The following DYM variants were observed in gnomAD, a reference collection of about 807,000 sequenced individuals.
The protein encoded by DYM is dymeclin, also known as dyggve-Melchior-Clausen syndrome protein.
Under a neutral mutation model 93.1 loss-of-function variants are expected in DYM, and 78 were observed. That is an observed-to-expected ratio of 0.84 (90% CI 0.70 to 1.01). DYM has a LOEUF of 1.01. Ranked by LOEUF, DYM falls within the 50% of genes least tolerant of loss-of-function variation. The pLI is 0.00. For synonymous variants in DYM, 321 were observed against 319.7 expected, an observed-to-expected ratio of 1.00 and a Z score of -0.04; for missense variants, 789 against 845.0, an observed-to-expected ratio of 0.93 and a Z score of 0.82.
chr18:49,382,191 G>T (rs1011583695), intron 3 of DYM, among the ~76,000 whole-genome samples: 1 of 152,098 alleles, frequency 6.6e-6, no homozygotes, highest in African/African-American at 2.4e-5. Flanking sequence ...CCGACTACTT[G>T]ATTGATGTAA....
chr18:49,442,249 T>C (rs972441657), intron 1 of DYM, among the ~76,000 whole-genome samples: 1 of 152,034 alleles, frequency 6.6e-6, no homozygotes, highest in African/African-American at 2.4e-5. Context: ...GCATGAAATA[T>C]AGAAACCAAA....
At chr18:49,113,067 T>C (rs1057165174) in intron 16 of DYM, among the ~76,000 whole-genome samples, 1 of 151,924 alleles carries the variant, frequency 6.6e-6, no homozygotes. Context: ...TAGAAGAAAA[T>C]ATTTTATATT....
chr18:49,184,744 A>ATTG (rs2090278679), intron 14 of DYM, among the ~76,000 whole-genome samples: 1 of 152,136 alleles, frequency 6.6e-6, no homozygotes, highest in Non-Finnish European at 1.5e-5. Context: ...ACAGTGCACA[A>ATTG]TTAAAAACTT....
At chr18:49,434,685 G>A (rs150913828) in intron 1 of DYM, among the ~76,000 whole-genome samples, 2 of 151,816 alleles carry the variant, frequency 1.3e-5, no homozygotes, top group Non-Finnish European at 2.9e-5. Context: ...ATATTTTCTG[G>A]CCAGGCACAG....
At chr18:49,456,657 TAAGA>T (rs942670119) in intron 1 of DYM, among the ~76,000 whole-genome samples, 19 of 152,172 alleles carry the variant, frequency 1.2e-4, no homozygotes, top group African/African-American at 4.3e-4. Flanking sequence ...CAAACTTCCT[TAAGA>T]AATGAAAAAA....
At position 49,289,794 on chromosome 18, in the gene DYM, CATAT is replaced by C. The variant is rs1379601314; in HGVS notation, c.764-3182_764-3179del. 2.2e-4 allele frequency among the ~76,000 whole-genome samples: 15 copies of C among 68,882 alleles called. 1 individual carries two copies. Among genetic ancestry groups the C allele is most frequent in the African/African-American group, 6.5e-4 (15 of 23,218 alleles). 45.2% of individuals were successfully genotyped at this position (68,882 alleles called of 152,430 possible). A position where few individuals can be genotyped will look rare whatever the true frequency, so the allele number is the denominator to read the frequency against. On this transcript the variant is annotated intron_variant, in intron 8 of 17. Transcript: ENST00000675505. ...ATATACACATATATATATATACACA[CATAT>C]ATATATATATACACATATATATTTA...
At chr18:49,167,531 A>T (rs1483017059) in intron 14 of DYM, among the ~76,000 whole-genome samples, 1 of 152,194 alleles carries the variant, frequency 6.6e-6, no homozygotes, top group Non-Finnish European at 1.5e-5. Flanking sequence ...AGTTTTATTT[A>T]AACATTATAA....
chr18:49,342,529 T>C (rs975190567), intron 6 of DYM, among the ~76,000 whole-genome samples: 9 of 152,178 alleles, frequency 5.9e-5, no homozygotes, highest in African/African-American at 2.2e-4. Context: ...ATGTGCTAAT[T>C]TCAGTAAGAA....
intron 8 of DYM, among the ~76,000 whole-genome samples, chr18:49,300,059 C>CTATATATATAAATATATATATATATAAA (rs1414844190): frequency 1.1e-4 from 15 of 139,472 alleles, no homozygotes; most frequent in Admixed American, 4.2e-4. Flanking sequence ...AAAAAAAAAG[C>CTATATATATAAATATATATATATATAAA]TATATATATA....
intron 12 of DYM, 70 bp from the exon 13 acceptor site, chr18:49,257,174 A>G: frequency 1.7e-6 from 2 of 1,166,998 alleles, no homozygotes; most frequent in East Asian, 2.4e-5. Flanking sequence ...GTTAACTATT[A>G]ATAGAAGCAA....
At chr18:49,139,557 A>G (rs2084226430) in intron 15 of DYM, among the ~76,000 whole-genome samples, 1 of 152,216 alleles carries the variant, frequency 6.6e-6, no homozygotes. Flanking sequence ...TGACTGAAAG[A>G]AACAAAACCA....
At chr18:49,415,385 A>T (rs1024173674) in intron 2 of DYM, among the ~76,000 whole-genome samples, 49 of 150,170 alleles carry the variant, frequency 3.3e-4, no homozygotes, top group African/African-American at 1.1e-3. Flanking sequence ...AACGATATAC[A>T]CCATAATGTT....
chr18:49,390,177 C>T (rs2069062649), intron 3 of DYM, among the ~76,000 whole-genome samples: 1 of 152,180 alleles, frequency 6.6e-6, no homozygotes, highest in Non-Finnish European at 1.5e-5. Flanking sequence ...TATCCCAACA[C>T]TTTGGGGGTC....
chr18:49,417,597 C>G (rs1399170452), intron 2 of DYM, among the ~76,000 whole-genome samples: 1 of 151,820 alleles, frequency 6.6e-6, no homozygotes, highest in Non-Finnish European at 1.5e-5. Context: ...ATAGAAGGCT[C>G]TTCAAGATAT....
intron 15 of DYM, among the ~76,000 whole-genome samples, chr18:49,145,670 T>A (rs553564254): frequency 6.6e-6 from 1 of 152,322 alleles, no homozygotes; most frequent in Admixed American, 6.5e-5. Flanking sequence ...TAGAGCTTCA[T>A]ATGGAGATGT....
chr18:49,184,336 T>C (rs2090223874), intron 14 of DYM, among the ~76,000 whole-genome samples: 1 of 151,902 alleles, frequency 6.6e-6, no homozygotes, highest in African/African-American at 2.4e-5. Context: ...AGGCCACAAC[T>C]CACTCCCAAC....
At chr18:49,079,455 G>A (rs1370875934) in intron 17 of DYM, among the ~76,000 whole-genome samples, 2 of 151,762 alleles carry the variant, frequency 1.3e-5, no homozygotes, top group South Asian at 2.1e-4. Flanking sequence ...CTCGCAGAGG[G>A]GGATTTGGCA....
At chr18:49,370,803 G>A (rs906520784) in intron 5 of DYM, among the ~76,000 whole-genome samples, 2 of 152,186 alleles carry the variant, frequency 1.3e-5, no homozygotes, top group South Asian at 4.1e-4. Flanking sequence ...TTGCAGCATG[G>A]TGGAGTAGTT....
chr18:49,402,967 A>T (rs1338116272), intron 2 of DYM, among the ~76,000 whole-genome samples: 1 of 152,202 alleles, frequency 6.6e-6, no homozygotes, highest in Non-Finnish European at 1.5e-5. Context: ...CTCATCTGTA[A>T]AATGGAGGTA....
Sources: gnomAD v4.1 joint callset for allele counts (sites outside exome capture counted in the v4.1 genomes callset) on GRCh38, gnomAD v4.1.1 for gene constraint, MANE v1.5 for transcripts, NCBI Gene and HGNC (gene_info 2026-07-23, HGNC 2026-07-21) for gene names.